HOOK3: variants seen among roughly 807,000 people sequenced by gnomAD.
HOOK3 encodes the protein hook microtubule tethering protein 3.
A neutral mutation model predicts 116.3 loss-of-function variants in HOOK3; 24 were observed. That is an observed-to-expected ratio of 0.21 (90% CI 0.15 to 0.29). The LOEUF is 0.29. HOOK3 is among the 10% of genes least tolerant of loss of function. HOOK3 has a pLI of 1.00. For missense variants in HOOK3, 632 were observed against 830.2 expected, an observed-to-expected ratio of 0.76 and a Z score of 2.93; for synonymous variants, 275 against 283.0, an observed-to-expected ratio of 0.97 and a Z score of 0.28.
chr8:42,956,937 G>A (rs768510380), intron 6 of HOOK3, among the ~76,000 whole-genome samples, 157 bp from the exon 7 acceptor site: 4 of 152,090 alleles, frequency 2.6e-5, no homozygotes, highest in Non-Finnish European at 4.4e-5. Flanking sequence ...AAAAAGTTCC[G>A]GACTCAGAAG....
chr8:42,906,709 C>T (rs755401751), intron 2 of HOOK3, among the ~76,000 whole-genome samples: 11 of 152,068 alleles, frequency 7.2e-5, no homozygotes, highest in Non-Finnish European at 1.2e-4. Flanking sequence ...TTTGTGACAC[C>T]ATCTGATATA....
intron 17 of HOOK3, 67 bp downstream of exon 17, chr8:43,002,208 T>TA: frequency 8.1e-7 from 1 of 1,232,566 alleles, no homozygotes; most frequent in South Asian, 1.3e-5. Flanking sequence ...GTTAGGTAGT[T>TA]ACGGTGTGTC....
At chr8:42,912,866 T>C (rs567310459) in intron 2 of HOOK3, among the ~76,000 whole-genome samples, 15 of 152,342 alleles carry the variant, frequency 9.8e-5, no homozygotes, top group Non-Finnish European at 1.8e-4. Flanking sequence ...TATAACAGAA[T>C]AGTTTCTCTG....
chr8:42,916,911 G>A (rs1312001512), intron 2 of HOOK3, among the ~76,000 whole-genome samples: 1 of 152,034 alleles, frequency 6.6e-6, no homozygotes, highest in Non-Finnish European at 1.5e-5. Context: ...TCTTTAAATC[G>A]TATTTTGTGC....
chr8:42,914,892 GGATCA>G (rs1405643378), intron 2 of HOOK3, among the ~76,000 whole-genome samples: 1 of 152,116 alleles, frequency 6.6e-6, no homozygotes, highest in Non-Finnish European at 1.5e-5. Context: ...GGAGATGGGC[GGATCA>G]CTTGAGGTCA....
intron 4 of HOOK3, among the ~76,000 whole-genome samples, chr8:42,933,582 AT>A (rs1275138099): frequency 1.3e-5 from 2 of 151,958 alleles, no homozygotes; most frequent in Non-Finnish European, 2.9e-5. Context: ...CTCCTATCTT[AT>A]TTTGTTTGCT....
At chr8:42,939,066 A>G (rs1235423161) in intron 4 of HOOK3, among the ~76,000 whole-genome samples, 1 of 152,220 alleles carries the variant, frequency 6.6e-6, no homozygotes, top group Non-Finnish European at 1.5e-5. Flanking sequence ...CCCAAGGCAG[A>G]AGAATTTTTC....
At chr8:42,904,520 T>C (rs1807263614) in intron 1 of HOOK3, among the ~76,000 whole-genome samples, 1 of 151,922 alleles carries the variant, frequency 6.6e-6, no homozygotes, top group Non-Finnish European at 1.5e-5. Flanking sequence ...ACTGTGTTAG[T>C]CAGGATGGTT....
At chr8:42,950,305 T>C (rs1008367917) in intron 5 of HOOK3, 83 bp from the exon 6 acceptor site, 15 of 872,702 alleles carry the variant, frequency 1.7e-5, no homozygotes, top group Admixed American at 5.6e-5. Flanking sequence ...AAATGACTTA[T>C]AAGAATTTAT....
chr8:43,021,755 G>T lies in HOOK3; in HGVS notation c.*3257G>T, dbSNP rs1468219276. 1.9e-5 allele frequency: 3 copies of T among 155,026 alleles called. No homozygotes were observed. The highest frequency in any genetic ancestry group is 2.5e-5 in the African/African-American group (1 of 40,634). 9.6% of individuals were successfully genotyped at this position (155,026 alleles called of 1,614,324 possible). A position where few individuals can be genotyped will look rare whatever the true frequency, so the allele number is the denominator to read the frequency against. On this transcript the variant is annotated 3_prime_UTR_variant, in exon 22 of 22. Coordinates refer to ENST00000307602, the MANE Select transcript of HOOK3 (RefSeq NM_032410.4). Reference sequence around the variant, plus strand: ...GCGATCTCGGCTCACTGCAAGCTCCGCCTCCCGGGTTCACGCCATTCTCCT... The same window carrying T: ...GCGATCTCGGCTCACTGCAAGCTCCTCCTCCCGGGTTCACGCCATTCTCCT...
intron 15 of HOOK3, among the ~76,000 whole-genome samples, chr8:42,996,242 C>A (rs1279629957): frequency 6.6e-6 from 1 of 151,898 alleles, no homozygotes; most frequent in Non-Finnish European, 1.5e-5. Flanking sequence ...AAAAATTAGC[C>A]AGGCATGGTG....
chr8:42,985,061 T>C (rs745665714), intron 14 of HOOK3, among the ~76,000 whole-genome samples: 9 of 152,176 alleles, frequency 5.9e-5, no homozygotes, highest in Non-Finnish European at 1.3e-4. Context: ...TGGGTTAATA[T>C]TTGATACTTT....
At chr8:42,945,370 C>T (rs775652654) in intron 5 of HOOK3, among the ~76,000 whole-genome samples, 2 of 152,086 alleles carry the variant, frequency 1.3e-5, no homozygotes, top group Admixed American at 6.6e-5. Flanking sequence ...AGTGCAGTGG[C>T]ATGATCTCAG....
chr8:42,906,378 G>A, intron 2 of HOOK3, 120 bp downstream of exon 2: 1 of 699,528 alleles, frequency 1.4e-6, no homozygotes. Context: ...GTAGGCGGCA[G>A]CAGCACTAGT....
intron 17 of HOOK3, among the ~76,000 whole-genome samples, chr8:43,003,049 T>C (rs73675448): frequency 6.6e-6 from 1 of 152,208 alleles, no homozygotes; most frequent in Non-Finnish European, 1.5e-5. Flanking sequence ...TTCATAATTT[T>C]TCTTGCACCC....
At chr8:42,911,386 G>A (rs1252976917) in intron 2 of HOOK3, among the ~76,000 whole-genome samples, 1 of 152,180 alleles carries the variant, frequency 6.6e-6, no homozygotes, top group Non-Finnish European at 1.5e-5. Flanking sequence ...GGAAAGTGGA[G>A]GTTGCAGTGA....
chr8:43,013,419 G>A lies in HOOK3; in HGVS notation c.2016+19G>A. On this transcript the variant is annotated intron_variant, in intron 21 of 21. Coordinates refer to ENST00000307602, the MANE Select transcript of HOOK3 (RefSeq NM_032410.4). ...CAATATGGTAAGAAAATAGTACTTT[G>A]GAGCATAATGAAAACTTCAATGAAT... 6.5e-7 allele frequency: 1 copy of A among 1,542,430 alleles called. No individual in the cohort carries two copies. The highest frequency in any genetic ancestry group is 8.7e-7 in the Non-Finnish European group (1 of 1,147,676).
chr8:42,982,871 C>T (rs918482927), intron 14 of HOOK3, among the ~76,000 whole-genome samples, 175 bp downstream of exon 14: 6 of 152,190 alleles, frequency 3.9e-5, no homozygotes, highest in Admixed American at 2.0e-4. Context: ...CACTGGCCTA[C>T]GGAAAATTGA....
At chr8:43,009,985 AG>A (rs955724317) in intron 18 of HOOK3, among the ~76,000 whole-genome samples, 37 of 152,048 alleles carry the variant, frequency 2.4e-4, no homozygotes, top group African/African-American at 8.4e-4. Context: ...GTCATAACTA[AG>A]GCTGAATAAT....
Sources: allele counts gnomAD v4.1 joint callset (sites outside exome capture counted in the v4.1 genomes callset), GRCh38; gene constraint gnomAD v4.1.1; transcripts MANE v1.5; gene names NCBI Gene and HGNC (gene_info 2026-07-23, HGNC 2026-07-21).